The following NF2 variants were observed in gnomAD, a reference collection of about 807,000 sequenced individuals.
NF2 encodes merlin.
Under a neutral mutation model 83.7 loss-of-function variants are expected in NF2, and 8 were observed. The ratio of observed to expected loss-of-function variants is 0.10; its 90% confidence interval spans 0.06 to 0.17. The LOEUF (loss-of-function observed/expected upper bound fraction) is 0.17. Ranked by LOEUF, NF2 falls within the 10% of genes least tolerant of loss-of-function variation. The pLI is 1.00. For synonymous variants in NF2, 266 were observed against 269.6 expected (o/e 0.99, Z 0.13); for missense variants, 533 against 744.4 (o/e 0.72, Z 3.31).
intron 4 of NF2, among the ~76,000 whole-genome samples, chr22:29,645,535 C>T (rs1362552790): frequency 6.6e-6 from 1 of 152,204 alleles, no homozygotes; most frequent in Non-Finnish European, 1.5e-5. Context: ...TGTGTCCTTT[C>T]AATCAGTATC....
intron 1 of NF2, among the ~76,000 whole-genome samples, chr22:29,632,264 CT>C (rs1268185440): frequency 6.6e-6 from 1 of 152,174 alleles, no homozygotes; most frequent in African/African-American, 2.4e-5. Context: ...CGACTGACCT[CT>C]TTTTTGCCTC....
chr22:29,672,642 T>A (rs5763409), intron 11 of NF2, among the ~76,000 whole-genome samples: 44,959 of 141,098 alleles, frequency 0.32, 7,092 homozygotes, highest in Middle Eastern at 0.41. Context: ...TGAGATGGAG[T>A]TTCACTCTTG....
intron 1 of NF2, among the ~76,000 whole-genome samples, chr22:29,624,914 T>G (rs1451492156): frequency 2.0e-5 from 3 of 150,430 alleles, no homozygotes; most frequent in African/African-American, 4.9e-5. Flanking sequence ...TCTCTCTCTC[T>G]CTCTCTCTTT....
chr22:29,641,528 C>T (rs1162399618), intron 3 of NF2, among the ~76,000 whole-genome samples: 1 of 152,184 alleles, frequency 6.6e-6, no homozygotes, highest in Non-Finnish European at 1.5e-5. Flanking sequence ...GGCTTTCCTG[C>T]TGTGTTTATT....
In NF2 at chr22:29,604,130, CCGACTGCTGCGGTGACAGT is replaced by C. The variant is rs2064720037; in HGVS notation, c.114+22_114+40del. 1 of 1,569,134 alleles carries C rather than the reference CCGACTGCTGCGGTGACAGT, an allele frequency of 6.4e-7. No homozygotes were observed. The highest frequency in any genetic ancestry group is 1.3e-5 in the African/African-American group (1 of 74,182). ...ATTGCGAGGTAACCGGCCGGCAGCC[CCGACTGCTGCGGTGACAGT>C]CGAGGTGGAAGCTCGAGAGGTTCTC... On this transcript the variant is annotated intron_variant, in intron 1 of 15. Coordinates refer to ENST00000338641, the MANE Select transcript of NF2 (RefSeq NM_000268.4).
intron 1 of NF2, among the ~76,000 whole-genome samples, chr22:29,604,373 A>T (rs2064728118): frequency 6.6e-6 from 1 of 152,218 alleles, no homozygotes; most frequent in Non-Finnish European, 1.5e-5. Flanking sequence ...TTTCAGTGTC[A>T]GGCTTAAGTT....
chr22:29,646,161 T>C (rs2084465225), intron 4 of NF2, among the ~76,000 whole-genome samples: 1 of 152,212 alleles, frequency 6.6e-6, no homozygotes, highest in Admixed American at 6.5e-5. Flanking sequence ...CTTGAGAGTA[T>C]TATGCCTGTT....
At chr22:29,620,269 A>T (rs892498589) in intron 1 of NF2, among the ~76,000 whole-genome samples, 3 of 151,836 alleles carry the variant, frequency 2.0e-5, no homozygotes, top group Non-Finnish European at 4.4e-5. Context: ...CAAAAAAAAG[A>T]CAATAATTAG....
chr22:29,670,301 C>G (rs969950777), intron 10 of NF2, among the ~76,000 whole-genome samples: 1 of 149,640 alleles, frequency 6.7e-6, no homozygotes, highest in African/African-American at 2.5e-5. Flanking sequence ...CCTGCCTGGC[C>G]TGACTGGGCT....
In NF2 at chr22:29,694,633, G is replaced by T; in HGVS notation, c.1738-119G>T. The stretch of plus-strand genomic sequence containing the variant: ...CAGCCAACTTCTTGAGCATCTATTT[G>T]AACAGCCTTCCCTTTCGCTCCCAGC... On this transcript the variant is annotated intron_variant, in intron 15 of 15. Coordinates refer to ENST00000338641, the MANE Select transcript of NF2 (RefSeq NM_000268.4). The surrounding 1 kb of genome is among the most constrained non-coding windows in gnomAD (Gnocchi z 4.1). 1 of 1,005,796 alleles carries T rather than the reference G, an allele frequency of 9.9e-7. No homozygotes were observed. The highest frequency in any genetic ancestry group is 1.4e-5 in the South Asian group (1 of 73,146). 62.3% of individuals were successfully genotyped at this position (1,005,796 alleles called of 1,614,324 possible). A position where few individuals can be genotyped will look rare whatever the true frequency, so the allele number is the denominator to read the frequency against.
chr22:29,685,966 T>A (rs551252887), intron 15 of NF2, among the ~76,000 whole-genome samples: 12 of 152,318 alleles, frequency 7.9e-5, no homozygotes, highest in Admixed American at 5.2e-4. Flanking sequence ...TTTTTTTTTT[T>A]TTATTATACT....
intron 1 of NF2, among the ~76,000 whole-genome samples, chr22:29,620,748 G>C (rs1478862720): frequency 1.3e-5 from 2 of 151,808 alleles, no homozygotes; most frequent in Non-Finnish European, 2.9e-5. Context: ...AGAGATGGGG[G>C]TCTCCCTACG....
In NF2 at chr22:29,665,060, A is replaced by G; in HGVS notation, c.881A>G (p.Lys294Arg). 1 of 1,612,494 alleles carries G rather than the reference A, an allele frequency of 6.2e-7. No homozygotes were observed. The highest frequency in any genetic ancestry group is 8.5e-7 in the Non-Finnish European group (1 of 1,178,532). Residue 294 changes from lysine (K) to arginine (R), a missense_variant, in exon 9 of 16, where the codon AAG (lysine) becomes AGG (arginine). Lys to Arg is a conservative substitution (Grantham distance 26). This residue lies in a region of NF2 where 326 missense variants were observed against 475.1 expected (regional missense o/e 0.69). Coordinates refer to ENST00000338641, the MANE Select transcript of NF2 (RefSeq NM_000268.4). ...KFNSSKLRVN[K>R]LILQLCIGNH... is the part of the protein sequence containing the mutation. Reference sequence around the variant, plus strand: ...AACTCCTCAAAGCTTCGTGTTAATAAGCTGGTAAGTTGAGATCCTGGTTTT... The same window carrying G: ...AACTCCTCAAAGCTTCGTGTTAATAGGCTGGTAAGTTGAGATCCTGGTTTT...
At chr22:29,685,493 G>A (rs1340111332) in intron 15 of NF2, among the ~76,000 whole-genome samples, 9 of 150,378 alleles carry the variant, frequency 6.0e-5, no homozygotes, top group Non-Finnish European at 1.3e-4. Context: ...TGACAGCCTC[G>A]ACCTCCTGGG....
At chr22:29,639,036 C>A in intron 2 of NF2, 54 bp from the exon 3 acceptor site, 1 of 1,613,500 alleles carries the variant, frequency 6.2e-7, no homozygotes, top group East Asian at 2.2e-5. Flanking sequence ...TTGAGGGTAG[C>A]ACAGGAGGAA....
chr22:29,606,180 C>T (rs1196317743), intron 1 of NF2, among the ~76,000 whole-genome samples: 1 of 152,150 alleles, frequency 6.6e-6, no homozygotes, highest in East Asian at 1.9e-4. Flanking sequence ...TCTTGAACTC[C>T]CTACCTCAGG....
intron 7 of NF2, 90 bp downstream of exon 7, chr22:29,658,354 G>A: frequency 9.2e-7 from 1 of 1,090,148 alleles, no homozygotes; most frequent in Non-Finnish European, 1.4e-6. Context: ...TCATTCCAAG[G>A]CGATAGACTC....
In NF2 at chr22:29,695,594, C is replaced by G. The variant is rs2067528179; in HGVS notation, c.*792C>G. 4.3e-6 allele frequency: 1 copy of G among 235,148 alleles called. No individual in the cohort carries two copies. Among genetic ancestry groups the G allele is most frequent in the South Asian group, 1.8e-4 (1 of 5,614 alleles). The allele number at this position is 235,148 out of a possible 1,614,324, so 14.6% of individuals were successfully genotyped here. On this transcript the variant is annotated 3_prime_UTR_variant, in exon 16 of 16. Coordinates refer to ENST00000338641, the MANE Select transcript of NF2 (RefSeq NM_000268.4). This position sits in a 1 kb window ranked among gnomAD's most constrained non-coding sequence, Gnocchi z 5.4. Reference sequence around the variant, plus strand: ...GAGCCACTCATGTCTTCCCCATTGCCCGACGCCCATAGACGCTCCTTCCTG... The same window carrying G: ...GAGCCACTCATGTCTTCCCCATTGCGCGACGCCCATAGACGCTCCTTCCTG...
intron 5 of NF2, 53 bp from the exon 6 acceptor site, chr22:29,655,541 A>G: frequency 7.4e-7 from 1 of 1,356,588 alleles, no homozygotes; most frequent in South Asian, 1.2e-5. Flanking sequence ...GTGGCAAACA[A>G]TACCAAATTT....
Sources: gnomAD v4.1 joint callset for allele counts (sites outside exome capture counted in the v4.1 genomes callset) on GRCh38, gnomAD v4.1.1 for gene constraint, gnomAD v4.1.1 regional missense constraint, Gnocchi (gnomAD v3.1) non-coding constraint, MANE v1.5 for transcripts, NCBI Gene and HGNC (gene_info 2026-07-23, HGNC 2026-07-21) for gene names.